The following ERCC8 variants were observed in gnomAD, a reference collection of about 807,000 sequenced individuals.
The protein encoded by ERCC8 is DNA excision repair protein ERCC-8.
Under a neutral mutation model 54.9 loss-of-function variants are expected in ERCC8, and 52 were observed. That is an observed-to-expected ratio of 0.95 (90% CI 0.76 to 1.19). The LOEUF is 1.19. Ranked by LOEUF, ERCC8 falls within the 50% of genes most tolerant of loss-of-function variation. The pLI is 0.00. For synonymous variants in ERCC8, 146 were observed against 157.2 expected (o/e 0.93, Z 0.53); for missense variants, 514 against 466.1 (o/e 1.10, Z -0.95).
At chr5:60,902,811 C>T (rs1561503256) in intron 6 of ERCC8, among the ~76,000 whole-genome samples, 1 of 151,868 alleles carries the variant, frequency 6.6e-6, no homozygotes, top group Non-Finnish European at 1.5e-5. Context: ...ATAACTCAAG[C>T]TCAATTACTG....
intron 9 of ERCC8, among the ~76,000 whole-genome samples, chr5:60,895,425 GT>G (rs1748697326): frequency 6.6e-6 from 1 of 152,016 alleles, no homozygotes. Context: ...GTGGACTTGG[GT>G]TTTAAACACT....
intron 3 of ERCC8, among the ~76,000 whole-genome samples, chr5:60,920,505 C>T (rs573388134): frequency 5.0e-4 from 76 of 151,742 alleles, no homozygotes; most frequent in Admixed American, 3.0e-3. Context: ...CTTTTTAGTG[C>T]TCAAGGACAA....
chr5:60,922,119 A>T lies in ERCC8; in HGVS notation c.210T>A (p.Leu70=), dbSNP rs2112522995. The T allele has an allele frequency of 6.2e-7, 1 of 1,610,808 alleles. No individual in the cohort carries two copies. Among genetic ancestry groups the T allele is most frequent in the Middle Eastern group, 1.7e-4 (1 of 5,958 alleles). Residue 70 remains leucine (L), a synonymous_variant, in exon 3 of 12, where the codon CTT becomes CTA. Transcript: ENST00000676185. ...LSGGSDGVIV[L]YDLENSSRQS... is the part of the protein sequence containing the mutation. ...GTCTGCTGGAGTTCTCAAGGTCATA[A>T]AGTACAATCACACCATCTGAACCAC...
At chr5:60,901,339 G>C (rs1244061971) in intron 7 of ERCC8, among the ~76,000 whole-genome samples, 1 of 151,768 alleles carries the variant, frequency 6.6e-6, no homozygotes, top group African/African-American at 2.4e-5. Flanking sequence ...AAATTGTTAA[G>C]TCTCTTTCAT....
Position 60,941,551 on chromosome 5 carries a change from T to C in ERCC8, c.77+3381A>G, listed in dbSNP as rs117295664. ...GAAAGTTCCCAAGTTTATGGAAAGA[T>C]ATAAGTCTACAAGTTCAAGAAGCAG... On this transcript the variant is annotated intron_variant, in intron 1 of 11. Transcript: ENST00000676185. Among the ~76,000 whole-genome samples the C allele has an allele frequency of 2.8e-4, 43 of 152,306 alleles. No individual in the cohort carries two copies. In the East Asian group the frequency reaches 8.3e-3, roughly 29 times the overall value.
intron 3 of ERCC8, 54 bp from the exon 4 acceptor site, chr5:60,918,442 T>C (rs1444845435): frequency 4.0e-6 from 6 of 1,503,836 alleles, no homozygotes; most frequent in Non-Finnish European, 5.5e-6. Context: ...GTTTCAAAAC[T>C]GGTACTATAT....
Position 60,891,032 on chromosome 5 carries a change from A to G in ERCC8, c.898T>C (p.Ser300Pro), listed in dbSNP as rs1179272381. 7.4e-6 allele frequency: 12 copies of G among 1,613,248 alleles called. No homozygotes were observed. The highest frequency in any genetic ancestry group is 9.3e-6 in the Non-Finnish European group (11 of 1,179,724). Residue 300 changes from serine (S) to proline (P), a missense_variant, in exon 10 of 12, where the codon TCC (serine) becomes CCC (proline). Transcript: ENST00000676185. The part of the protein sequence containing the change: ...NSKKGLKFTV[S>P]CGCSSEFVFV... Reference sequence around the variant, plus strand: ...ACAAATTCTGAACTGCAGCCACAGGAGACAGTGAATTTCAATCCTTTTTTA... The same window carrying G: ...ACAAATTCTGAACTGCAGCCACAGGGGACAGTGAATTTCAATCCTTTTTTA...
chr5:60,877,669 G>GT (rs1748056971), intron 11 of ERCC8, among the ~76,000 whole-genome samples: 1 of 150,778 alleles, frequency 6.6e-6, no homozygotes, highest in African/African-American at 2.4e-5. Context: ...TGATTTGGCT[G>GT]TTTGTCTGTT....
chr5:60,937,081 T>A (rs1750088747), intron 1 of ERCC8, among the ~76,000 whole-genome samples: 1 of 152,200 alleles, frequency 6.6e-6, no homozygotes, highest in Non-Finnish European at 1.5e-5. Context: ...GCTACTGGGG[T>A]CTGGTTGGTA....
In ERCC8 at chr5:60,932,120, A is replaced by C. The variant is rs546733617; in HGVS notation, c.78-3161T>G. The stretch of plus-strand genomic sequence containing the variant: ...GAGAAAGCTTACCTCTGCCCAACAT[A>C]ATGACTTCAGGACTGAATTGTCTGT... On this transcript the variant is annotated intron_variant, in intron 1 of 11. Transcript: ENST00000676185. The C allele has an allele frequency of 5.2e-5, 8 of 152,382 alleles. No homozygotes were observed. The East Asian group carries it at 1.5e-3, about 29-fold the overall frequency. 9.4% of individuals were successfully genotyped at this position (152,382 alleles called of 1,614,324 possible).
rs1443881955 is a variant in ERCC8, at chr5:60,873,404, G to C, written c.*1211C>G. Among the ~76,000 whole-genome samples, 1 of 152,216 alleles carries C rather than the reference G, an allele frequency of 6.6e-6. No individual in the cohort carries two copies. Among genetic ancestry groups the C allele is most frequent in the African/African-American group, 2.4e-5 (1 of 41,456 alleles). The stretch of plus-strand genomic sequence containing the variant: ...AAAACTCAACAACTGGCTGGGTGCA[G>C]TGGCTCAAGCTTATAATTCCAGCAC... On this transcript the variant is annotated 3_prime_UTR_variant, in exon 12 of 12. Transcript: ENST00000676185.
intron 6 of ERCC8, among the ~76,000 whole-genome samples, 155 bp from the exon 7 acceptor site, chr5:60,902,663 A>T (rs540195024): frequency 6.6e-6 from 1 of 152,172 alleles, no homozygotes; most frequent in African/African-American, 2.4e-5. Context: ...CGATGTTTCA[A>T]TGCTAATGTG....
intron 10 of ERCC8, among the ~76,000 whole-genome samples, chr5:60,889,104 T>A (rs1004083238): frequency 6.6e-6 from 1 of 152,194 alleles, no homozygotes; most frequent in South Asian, 2.1e-4. Context: ...ATGATTAAAT[T>A]TGAGTGATAC....
chr5:60,901,906 C>T (rs1041647306), intron 7 of ERCC8, among the ~76,000 whole-genome samples: 5 of 152,016 alleles, frequency 3.3e-5, no homozygotes, highest in Admixed American at 1.3e-4. Context: ...TCCTATATTA[C>T]ACCTACCAGA....
At chr5:60,931,857 A>C (rs1378908405) in intron 1 of ERCC8, among the ~76,000 whole-genome samples, 1 of 152,128 alleles carries the variant, frequency 6.6e-6, no homozygotes, top group Admixed American at 6.6e-5. Flanking sequence ...TAACAGTAAG[A>C]AGCATGGCTC....
At chr5:60,894,133 C>T (rs956271945) in intron 9 of ERCC8, among the ~76,000 whole-genome samples, 13 of 151,908 alleles carry the variant, frequency 8.6e-5, no homozygotes, top group African/African-American at 3.1e-4. Flanking sequence ...TACAGGCGAC[C>T]GCCACCACGC....
intron 11 of ERCC8, among the ~76,000 whole-genome samples, chr5:60,879,740 A>G (rs1748142845): frequency 6.6e-6 from 1 of 151,558 alleles, no homozygotes; most frequent in South Asian, 2.1e-4. Context: ...CCATCCCTTT[A>G]TTTTCAGCCT....
At chr5:60,877,914 T>C (rs983336029) in intron 11 of ERCC8, among the ~76,000 whole-genome samples, 10 of 152,190 alleles carry the variant, frequency 6.6e-5, no homozygotes, top group Admixed American at 5.2e-4. Context: ...CTATGTTGAA[T>C]AGGAGTGGTG....
chr5:60,913,560 T>G (rs191305913), intron 4 of ERCC8, among the ~76,000 whole-genome samples: 4 of 152,240 alleles, frequency 2.6e-5, no homozygotes, highest in African/African-American at 9.6e-5. Flanking sequence ...GATTCATTGA[T>G]TTTTTGAAGG....
Sources: allele counts gnomAD v4.1 joint callset (sites outside exome capture counted in the v4.1 genomes callset), GRCh38; gene constraint gnomAD v4.1.1; transcripts MANE v1.5; gene names NCBI Gene and HGNC (gene_info 2026-07-23, HGNC 2026-07-21).